ZNF610: variants seen among roughly 807,000 people sequenced by gnomAD.
ZNF610 encodes zinc finger protein 610.
Under a neutral mutation model 14.1 loss-of-function variants are expected in ZNF610, and 14 were observed. The observed-to-expected ratio is 0.99, with a 90% CI of 0.65 to 1.55. The LOEUF is 1.55. Among genes scored for constraint, ZNF610 ranks in the 40% most tolerant of loss-of-function variants. The pLI is 0.00. For synonymous variants in ZNF610, 185 were observed against 187.6 expected (o/e 0.99, Z 0.11); for missense variants, 530 against 558.0 (o/e 0.95, Z 0.51).
At chr19:52,337,019 GCAGAGAGTAGCTGAGAGATTTA>G (rs1221905024) in intron 1 of ZNF610, among the ~76,000 whole-genome samples, 1 of 152,212 alleles carries the variant, frequency 6.6e-6, no homozygotes, top group Admixed American at 6.5e-5. Flanking sequence ...TAAGCAGACG[GCAGAGAGTAGCTGAGAGATTTA>G]CAGAGACAGT....
At chr19:52,357,562 C>T (rs1472955769) in intron 5 of ZNF610, among the ~76,000 whole-genome samples, 5 of 148,830 alleles carry the variant, frequency 3.4e-5, no homozygotes, top group African/African-American at 9.9e-5. Flanking sequence ...GGAGAATGGC[C>T]TGAACCCGGG....
intron 3 of ZNF610, among the ~76,000 whole-genome samples, chr19:52,352,473 G>A (rs1241577319): frequency 6.6e-6 from 1 of 152,132 alleles, no homozygotes. Context: ...CCCCACCTCA[G>A]GTGATCCGCC....
chr19:52,343,550 G>C (rs1984787426), intron 1 of ZNF610, among the ~76,000 whole-genome samples: 1 of 126,302 alleles, frequency 7.9e-6, no homozygotes, highest in African/African-American at 2.8e-5. Flanking sequence ...TTGGGTGACA[G>C]AGTGAGACTG....
intron 1 of ZNF610, among the ~76,000 whole-genome samples, chr19:52,345,783 C>A (rs1984910831): frequency 6.6e-6 from 1 of 152,002 alleles, no homozygotes. Flanking sequence ...CGACTCACTG[C>A]AAGCTCCGTC....
chr19:52,344,639 G>T (rs909676653), intron 1 of ZNF610, among the ~76,000 whole-genome samples: 38 of 152,334 alleles, frequency 2.5e-4, no homozygotes, highest in African/African-American at 8.2e-4. Flanking sequence ...TACAGTAGTT[G>T]CTCCCTATCT....
chr19:52,351,488 CTCTT>C (rs1262998005), intron 3 of ZNF610, among the ~76,000 whole-genome samples: 2 of 151,702 alleles, frequency 1.3e-5, no homozygotes, highest in East Asian at 3.9e-4. Context: ...TCAGTCACCT[CTCTT>C]TTTTTTTGTG....
At chr19:52,362,131 A>T (rs982582583) in intron 5 of ZNF610, among the ~76,000 whole-genome samples, 5 of 152,196 alleles carry the variant, frequency 3.3e-5, no homozygotes, top group African/African-American at 4.8e-5. Flanking sequence ...GCCTGTGGGA[A>T]TCACACTATG....
chr19:52,356,691 A>T (rs1160775185), intron 5 of ZNF610, among the ~76,000 whole-genome samples: 1 of 152,202 alleles, frequency 6.6e-6, no homozygotes, highest in Non-Finnish European at 1.5e-5. Flanking sequence ...ACTATTGAAC[A>T]ACACTTTTGC....
chr19:52,363,162 G>C (rs1439059909), intron 5 of ZNF610, among the ~76,000 whole-genome samples: 5 of 143,746 alleles, frequency 3.5e-5, no homozygotes, highest in African/African-American at 1.3e-4. Flanking sequence ...GTCTCACCCT[G>C]TTGCCTACCC....
intron 1 of ZNF610, among the ~76,000 whole-genome samples, chr19:52,341,529 C>T (rs549480854): frequency 3.0e-4 from 45 of 152,200 alleles, no homozygotes; most frequent in African/African-American, 9.9e-4. Context: ...AAGATTGTCT[C>T]GATCTCTTGA....
At chr19:52,354,842 G>A (rs953022491) in intron 5 of ZNF610, among the ~76,000 whole-genome samples, 1 of 151,926 alleles carries the variant, frequency 6.6e-6, no homozygotes, top group Non-Finnish European at 1.5e-5. Context: ...GCCTCCCAAA[G>A]TCCTGGGATT....
At chr19:52,332,313 A>G (rs772821837), upstream of ZNF610, among the ~76,000 whole-genome samples, 1 of 152,216 alleles carries the variant, frequency 6.6e-6, no homozygotes, top group South Asian at 2.1e-4. The surrounding 1 kb of genome is among the most constrained non-coding windows in gnomAD (Gnocchi z 4.1). Flanking sequence ...TGCGTAACCC[A>G]TGGTTTCCAT....
chr19:52,365,901 AT>A lies in ZNF610; in HGVS notation c.528del (p.Phe176LeufsTer49), dbSNP rs758264390. On this transcript the variant is annotated frameshift_variant, in exon 6 of 6. Coordinates refer to ENST00000403906, the MANE Select transcript of ZNF610 (RefSeq NM_001161425.2). LOFTEE classifies it low-confidence loss of function (END_TRUNC). ...AATTTCTTCTAGTTTCACAACACAC[AT>A]TTTTAATAAATATAGAAATGATCTT... ...QKISSSFTTH[I>X]FNKYRNDLID... is the part of the protein sequence containing the mutation. 1.2e-6 allele frequency: 2 copies of A among 1,612,762 alleles called. No homozygotes were observed. The highest frequency in any genetic ancestry group is 2.2e-5 in the South Asian group (2 of 90,728).
chr19:52,330,737 C>T, the ZNF610 span, among the ~76,000 whole-genome samples: 1 of 152,234 alleles, frequency 6.6e-6, no homozygotes, highest in Non-Finnish European at 1.5e-5. Flanking sequence ...CTTCTGCTTC[C>T]TTGAGTTCTG....
At position 52,366,333 on chromosome 19, in the gene ZNF610, A is replaced by C; in HGVS notation, c.955A>C (p.Asn319His). Residue 319 changes from asparagine (N) to histidine (H), a missense_variant, in exon 6 of 6, where the codon AAT (asparagine) becomes CAT (histidine). Physicochemically the swap from Asn to His is moderately conservative, Grantham distance 68 (BLOSUM62 1). Transcript: ENST00000403906. Reference sequence around the variant, plus strand: ...TACTGGAGAGAAACCTTACAAATGTAATGAGTGTGGCAAGAACTTCAGGCA... The same window carrying C: ...TACTGGAGAGAAACCTTACAAATGTCATGAGTGTGGCAAGAACTTCAGGCA... ...IHTGEKPYKC[N>H]ECGKNFRHKF... The C allele has an allele frequency of 6.2e-7, 1 of 1,614,184 alleles. No homozygotes were observed.
At chr19:52,364,774 C>T (rs147943869) in intron 5 of ZNF610, among the ~76,000 whole-genome samples, 2,465 of 152,266 alleles carry the variant, frequency 0.016, 47 homozygotes, top group African/African-American at 0.051. Flanking sequence ...GATGAGGTTT[C>T]ACCATGTTGG....
upstream of ZNF610, among the ~76,000 whole-genome samples, chr19:52,332,805 A>G (rs545802744): frequency 2.6e-5 from 4 of 152,344 alleles, no homozygotes; most frequent in South Asian, 8.3e-4. The surrounding 1 kb of genome is among the most constrained non-coding windows in gnomAD (Gnocchi z 4.1). Context: ...AGTGTGGTCA[A>G]TAACGGAGTA....
chr19:52,353,245 G>C (rs1246008045), intron 3 of ZNF610, among the ~76,000 whole-genome samples: 1 of 152,138 alleles, frequency 6.6e-6, no homozygotes, highest in Admixed American at 6.6e-5. Context: ...CAGCCTATTT[G>C]TTAAATTAGT....
intron 1 of ZNF610, among the ~76,000 whole-genome samples, chr19:52,344,766 A>G (rs958136289): frequency 2.6e-5 from 4 of 152,198 alleles, no homozygotes; most frequent in African/African-American, 9.6e-5. Context: ...CATTCCGAGT[A>G]GTGTGCTGAA....
Sources: allele counts gnomAD v4.1 joint callset (sites outside exome capture counted in the v4.1 genomes callset), GRCh38; gene constraint gnomAD v4.1.1; non-coding constraint Gnocchi (gnomAD v3.1); transcripts MANE v1.5; gene names NCBI Gene and HGNC (gene_info 2026-07-23, HGNC 2026-07-21).